NUP37: variants seen among roughly 807,000 people sequenced by gnomAD.
NUP37 encodes nucleoporin Nup37.
NUP37 carries 33 observed loss-of-function variants against 45.4 expected under a neutral mutation model. The observed-to-expected ratio is 0.73, with a 90% CI of 0.55 to 0.97. The LOEUF (loss-of-function observed/expected upper bound fraction) is 0.97. Among genes scored for constraint, NUP37 ranks in the 50% least tolerant of loss-of-function variants. The pLI, the probability that NUP37 is intolerant of heterozygous loss-of-function variation, is 0.00. For synonymous variants in NUP37, 127 were observed against 130.7 expected (o/e 0.97, Z 0.19); for missense variants, 365 against 389.7 (o/e 0.94, Z 0.53).
chr12:102,073,166 C>T lies in NUP37; in HGVS notation c.*1188G>A, dbSNP rs958310912. ...CACAAAATAATGATTCCTATCTGTA[C>T]TTTACAAGAGGAAATGAAGCTTCAA... On this transcript the variant is annotated 3_prime_UTR_variant, in exon 10 of 10. Coordinates refer to ENST00000552283, the MANE Select transcript of NUP37 (RefSeq NM_024057.4). 1.3e-5 allele frequency: 2 copies of T among 152,110 alleles called. No homozygotes were observed. Among genetic ancestry groups the T allele is most frequent in the African/African-American group, 4.8e-5 (2 of 41,408 alleles). 9.4% of individuals were successfully genotyped at this position (152,110 alleles called of 1,614,324 possible).
At chr12:102,100,127 A>C (rs948031729) in intron 4 of NUP37, among the ~76,000 whole-genome samples, 1 of 152,218 alleles carries the variant, frequency 6.6e-6, no homozygotes, top group African/African-American at 2.4e-5. Context: ...GTGTATTATA[A>C]CTAGCATATT....
chr12:102,111,989 T>G lies in NUP37; in HGVS notation c.281+119A>C, dbSNP rs1454273266. 7.7e-6 allele frequency: 7 copies of G among 905,502 alleles called. No homozygotes were observed. In the East Asian group the frequency reaches 1.8e-4, roughly 23 times the overall value. The allele number at this position is 905,502 out of a possible 1,614,324, so 56.1% of individuals were successfully genotyped here. ...AAGTAGTAGCAAATATCAAAATATC[T>G]AATATCTTGGATTGTGGAAAATGGA... On this transcript the variant is annotated intron_variant, in intron 3 of 9. Coordinates refer to ENST00000552283, the MANE Select transcript of NUP37 (RefSeq NM_024057.4).
chr12:102,076,495 A>G (rs2136710572), intron 8 of NUP37, among the ~76,000 whole-genome samples: 1 of 152,296 alleles, frequency 6.6e-6, no homozygotes, highest in East Asian at 1.9e-4. Flanking sequence ...GCTCCCCTAC[A>G]TTTACATCCT....
rs187922713 is a variant in NUP37 at position 102,112,342 on chromosome 12, T to C, written c.157-110A>G. 4.3e-4 allele frequency: 366 copies of C among 854,524 alleles called. 4 individuals carry two copies. In the Admixed American group the frequency reaches 7.7e-3, roughly 18 times the overall value. 52.9% of individuals were successfully genotyped at this position (854,524 alleles called of 1,614,324 possible). ...AGGTTATGCTTATGCTTTTGAAAAG[T>C]TCAAAAGCAAATTACATATTAAGAT... On this transcript the variant is annotated intron_variant, in intron 2 of 9. Coordinates refer to ENST00000552283, the MANE Select transcript of NUP37 (RefSeq NM_024057.4).
At chr12:102,076,135 T>C (rs1337792226) in intron 8 of NUP37, among the ~76,000 whole-genome samples, 1 of 152,200 alleles carries the variant, frequency 6.6e-6, no homozygotes, top group African/African-American at 2.4e-5. Flanking sequence ...CATTGGTGTA[T>C]ATTTGTTCAC....
chr12:102,101,467 G>A (rs990169418), intron 3 of NUP37, among the ~76,000 whole-genome samples: 4 of 152,060 alleles, frequency 2.6e-5, no homozygotes, highest in African/African-American at 7.2e-5. Flanking sequence ...ATTTTAGCCA[G>A]GTCACCAAGA....
At chr12:102,119,092 G>A (rs1880605060) in intron 1 of NUP37, 1 of 152,296 alleles carries the variant, frequency 6.6e-6, no homozygotes. Context: ...AGACTTCATT[G>A]TGTGTGGAGA....
intron 3 of NUP37, among the ~76,000 whole-genome samples, chr12:102,110,655 C>T (rs1284236197): frequency 6.6e-6 from 1 of 152,158 alleles, no homozygotes; most frequent in Non-Finnish European, 1.5e-5. Context: ...CCAGCCTGGG[C>T]AACAGGCAAA....
At chr12:102,099,008 G>T in intron 5 of NUP37, 98 bp downstream of exon 5, 1 of 827,912 alleles carries the variant, frequency 1.2e-6, no homozygotes, top group Non-Finnish European at 2.0e-6. Context: ...ACACTCTATA[G>T]AATTTATGTA....
chr12:102,118,390 A>G lies in NUP37; in HGVS notation c.129T>C (p.Tyr43=), dbSNP rs763155034. ...GAAACGTACACGTGCCAATGACCAC[A>G]TAATTATTGCCACCATATGCAATTA... The part of the protein sequence containing the change: ...GNLIAYGGNN[Y]VVIGTCTFQE... Residue 43 remains tyrosine (Y), a synonymous_variant, in exon 2 of 10, where the codon TAT becomes TAC. Coordinates refer to ENST00000552283, the MANE Select transcript of NUP37 (RefSeq NM_024057.4). 4.3e-6 allele frequency: 7 copies of G among 1,613,956 alleles called. No homozygotes were observed. The East Asian group carries it at 1.6e-4, about 36-fold the overall frequency.
In NUP37 at chr12:102,098,030, T is replaced by C. The variant is rs1356669108; in HGVS notation, c.449+1076A>G. ...CATATTTCATAGTTTTATATGTACA[T>C]AAGTACTAATAAATACTAAGGATTT... On this transcript the variant is annotated intron_variant, in intron 5 of 9. Coordinates refer to ENST00000552283, the MANE Select transcript of NUP37 (RefSeq NM_024057.4). 2.0e-5 allele frequency among the ~76,000 whole-genome samples: 3 copies of C among 152,222 alleles called. No homozygotes were observed. In the South Asian group the frequency reaches 6.2e-4, roughly 32 times the overall value.
intron 6 of NUP37, 73 bp downstream of exon 6, chr12:102,085,692 CT>C: frequency 3.1e-6 from 2 of 652,894 alleles, no homozygotes; most frequent in East Asian, 5.8e-5. Flanking sequence ...GATCTTCCTC[CT>C]CTATGTATGT....
rs754177472 is a variant in NUP37, at chr12:102,075,113, TA to T, written c.774-20del. The T allele has an allele frequency of 4.8e-6, 7 of 1,473,640 alleles. No individual in the cohort carries two copies. In the East Asian group the frequency reaches 1.6e-4, roughly 33 times the overall value. 91.3% of individuals were successfully genotyped at this position (1,473,640 alleles called of 1,614,324 possible). A position where few individuals can be genotyped will look rare whatever the true frequency, so the allele number is the denominator to read the frequency against. On this transcript the variant is annotated intron_variant, in intron 8 of 9. Coordinates refer to ENST00000552283, the MANE Select transcript of NUP37 (RefSeq NM_024057.4). ...GGACCACCTAAGAAATAAGGAAGCG[TA>T]AAATTAAGTATCGTATCCTATGGAT...
At chr12:102,110,343 T>C (rs1325098042) in intron 3 of NUP37, among the ~76,000 whole-genome samples, 1 of 138,874 alleles carries the variant, frequency 7.2e-6, no homozygotes, top group Non-Finnish European at 1.6e-5. Flanking sequence ...CTGCAAAAAA[T>C]ACAAAAAATT....
At chr12:102,075,194 G>C in intron 8 of NUP37, 100 bp from the exon 9 acceptor site, 1 of 714,722 alleles carries the variant, frequency 1.4e-6, no homozygotes, top group East Asian at 2.9e-5. Flanking sequence ...TTTTTTTTAA[G>C]AGACAGGGTC....
intron 2 of NUP37, among the ~76,000 whole-genome samples, chr12:102,113,844 G>A (rs927824178): frequency 2.6e-5 from 4 of 152,074 alleles, no homozygotes; most frequent in Non-Finnish European, 4.4e-5. Flanking sequence ...ATGTATACTC[G>A]AATGAAATCC....
intron 5 of NUP37, among the ~76,000 whole-genome samples, chr12:102,091,872 T>C (rs1879667298): frequency 6.6e-6 from 1 of 152,228 alleles, no homozygotes; most frequent in African/African-American, 2.4e-5. Context: ...ATGCTTATTT[T>C]ACTTTTAGTA....
At chr12:102,076,547 T>G (rs911860402) in intron 8 of NUP37, among the ~76,000 whole-genome samples, 1 of 152,168 alleles carries the variant, frequency 6.6e-6, no homozygotes, top group African/African-American at 2.4e-5. Context: ...TATTCCAAAT[T>G]GTAGGGGTGG....
intron 3 of NUP37, among the ~76,000 whole-genome samples, chr12:102,111,035 A>G (rs894445487): frequency 6.6e-6 from 1 of 152,258 alleles, no homozygotes; most frequent in African/African-American, 2.4e-5. Context: ...GCAAAAAATA[A>G]TAACTAAAGC....
Sources: gnomAD v4.1 joint callset for allele counts (sites outside exome capture counted in the v4.1 genomes callset) on GRCh38, gnomAD v4.1.1 for gene constraint, MANE v1.5 for transcripts, NCBI Gene and HGNC (gene_info 2026-07-23, HGNC 2026-07-21) for gene names.